Variants in EPG5 observed in about 807,000 individuals in gnomAD.
EPG5 encodes the protein ectopic P-granules 5 autophagy tethering factor.
In EPG5, 159 loss-of-function variants were observed where a neutral mutation model predicts 302.7. The ratio of observed to expected loss-of-function variants is 0.53; its 90% CI spans 0.46 to 0.60. EPG5 has a LOEUF of 0.60. Ranked by LOEUF, EPG5 falls within the 20% of genes least tolerant of loss-of-function variation. The pLI, the probability that EPG5 is intolerant of heterozygous loss-of-function variation, is 0.00. For missense variants in EPG5, 2,896 were observed against 3,092.4 expected (o/e 0.94, Z 1.51); for synonymous variants, 1,158 against 1,136.8 (o/e 1.02, Z -0.37).
At chr18:45,906,935 C>T (rs936171802) in intron 24 of EPG5, among the ~76,000 whole-genome samples, 4 of 152,314 alleles carry the variant, frequency 2.6e-5, no homozygotes, top group Admixed American at 1.3e-4. Flanking sequence ...GGATTACAGG[C>T]GTGGGCCATG....
chr18:45,868,006 T>G, intron 36 of EPG5: 1 of 538,228 alleles, frequency 1.9e-6, no homozygotes, highest in East Asian at 4.7e-5. Context: ...AGGAATGACC[T>G]TCCCTAACCC....
chr18:45,916,679 G>A (rs2050040759), intron 17 of EPG5, 97 bp from the exon 18 acceptor site: 1 of 1,331,462 alleles, frequency 7.5e-7, no homozygotes, highest in African/African-American at 1.5e-5. Flanking sequence ...TCCTAAATTG[G>A]TCCCATTTTT....
At chr18:45,915,429 CAATT>C in intron 20 of EPG5, 78 bp downstream of exon 20, 1 of 999,252 alleles carries the variant, frequency 1.0e-6, no homozygotes, top group Non-Finnish European at 1.6e-6. Context: ...TTAGTTTAGA[CAATT>C]AGTAATTTCT....
chr18:45,915,775 C>G (rs543813032), intron 19 of EPG5, among the ~76,000 whole-genome samples, 154 bp from the exon 20 acceptor site: 52 of 152,322 alleles, frequency 3.4e-4, no homozygotes, highest in Middle Eastern at 6.8e-3. Context: ...TAGTCCAAGG[C>G]AGAGCATTAC....
intron 42 of EPG5, 112 bp from the exon 43 acceptor site, chr18:45,855,799 T>C: frequency 5.7e-6 from 4 of 697,724 alleles, no homozygotes; most frequent in Non-Finnish European, 1.0e-5. Context: ...CCAGATCTAC[T>C]GTGTTGTTCA....
chr18:45,960,536 T>G (rs770053486), intron 1 of EPG5, among the ~76,000 whole-genome samples: 10 of 152,112 alleles, frequency 6.6e-5, no homozygotes, highest in Non-Finnish European at 1.3e-4. Context: ...TAAAAAACGA[T>G]TTTAAAGTCA....
intron 21 of EPG5, among the ~76,000 whole-genome samples, chr18:45,913,352 A>C (rs1331513224): frequency 1.3e-5 from 2 of 152,168 alleles, no homozygotes; most frequent in Non-Finnish European, 2.9e-5. Context: ...GTTTCAAAAA[A>C]TAACCTCCTT....
At chr18:45,902,616 G>C (rs565866102) in intron 25 of EPG5, among the ~76,000 whole-genome samples, 3 of 152,330 alleles carry the variant, frequency 2.0e-5, no homozygotes, top group Admixed American at 6.5e-5. Context: ...AAGGGTGCTA[G>C]TGAAATTTTT....
At chr18:45,830,064 G>A in the EPG5 span, among the ~76,000 whole-genome samples, 8,619 of 151,924 alleles carry the variant, frequency 0.057, 794 homozygotes, top group African/African-American at 0.19. Flanking sequence ...CCCGTGCTCC[G>A]CCATGAAACC....
chr18:45,930,816 T>G lies in EPG5; in HGVS notation c.2272A>C (p.Thr758Pro), dbSNP rs2145819702. Residue 758 changes from threonine to proline, a missense_variant, in exon 12 of 44, where the codon ACC becomes CCC. By Grantham distance (38) the Thr-to-Pro change is conservative. Transcript: ENST00000282041. The part of the protein sequence containing the change: ...KQQLQDPEHF[T>P]NFEKCLSSMN... The stretch of plus-strand genomic sequence containing the variant: ...GAAGAAAGACACTTCTCAAAGTTGG[T>G]AAAATGTTCTGGGTCTGCAAGTTCA... The G allele has an allele frequency of 6.3e-7, 1 of 1,594,460 alleles. No homozygotes were observed. The highest frequency in any genetic ancestry group is 8.5e-7 in the Non-Finnish European group (1 of 1,174,626).
intron 24 of EPG5, among the ~76,000 whole-genome samples, chr18:45,905,140 C>T (rs758175819): frequency 6.6e-5 from 10 of 152,280 alleles, no homozygotes; most frequent in Non-Finnish European, 1.5e-4. Context: ...CTTGCATATT[C>T]TGAATTATAT....
chr18:45,868,483 G>A (rs1395956675), intron 36 of EPG5, among the ~76,000 whole-genome samples: 2 of 151,574 alleles, frequency 1.3e-5, no homozygotes, highest in African/African-American at 4.8e-5. Flanking sequence ...GATTACAGGT[G>A]CCTGCCACCA....
chr18:45,825,409 G>T, the EPG5 span: 1 of 466,568 alleles, frequency 2.1e-6, no homozygotes, highest in Non-Finnish European at 3.9e-6. Flanking sequence ...ACAGTTTTCT[G>T]TGAGGGGATG....
intron 8 of EPG5, 37 bp from the exon 9 acceptor site, chr18:45,943,348 TACTATGAAAAAACATGA>T (rs2050713098): frequency 6.4e-7 from 1 of 1,563,070 alleles, no homozygotes; most frequent in East Asian, 2.2e-5. Flanking sequence ...AAATCATAGT[TACTATGAAAAAACATGA>T]ACGGATACAT....
intron 35 of EPG5, among the ~76,000 whole-genome samples, chr18:45,874,094 T>C (rs1034975304): frequency 6.6e-6 from 1 of 152,216 alleles, no homozygotes; most frequent in African/African-American, 2.4e-5. Flanking sequence ...CACATGTTAT[T>C]TGTCATTTGT....
At chr18:45,857,099 GTTTA>G (rs72476881) in intron 42 of EPG5, among the ~76,000 whole-genome samples, 23,249 of 150,544 alleles carry the variant, frequency 0.15, 2,204 homozygotes, top group East Asian at 0.32. Flanking sequence ...TTATATTTGT[GTTTA>G]TTTATTTATT....
intron 10 of EPG5, among the ~76,000 whole-genome samples, chr18:45,938,285 A>C (rs889652153): frequency 6.6e-6 from 1 of 152,076 alleles, no homozygotes; most frequent in Non-Finnish European, 1.5e-5. Context: ...ACATGGTGAA[A>C]CCCCGTCTCT....
At chr18:45,840,231 AC>A in the EPG5 span, 3 of 1,611,828 alleles carry the variant, frequency 1.9e-6, no homozygotes, top group East Asian at 6.7e-5. Context: ...CACCCCGGAC[AC>A]CCCACCACGG....
In EPG5 at chr18:45,858,600, T is replaced by G. The variant is rs376052978; in HGVS notation, c.7192A>C (p.Ile2398Leu). The G allele has an allele frequency of 6.2e-7, 1 of 1,614,224 alleles. No homozygotes were observed. The highest frequency in any genetic ancestry group is 8.5e-7 in the Non-Finnish European group (1 of 1,180,028). The change falls in exon 41 of 44, where the codon ATC becomes CTC. Residue 2398 changes from isoleucine (I) to leucine (L), a missense_variant. Ile to Leu is a conservative substitution (Grantham distance 5). Around this residue, in one of 5 missense-constraint regions of EPG5, gnomAD observed 620 missense variants for 704.2 expected, o/e 0.88. Transcript: ENST00000282041. ...TLRNEMKVLL[I>L]LSKWLEQVYP... ...ACCTGTTCCAGCCACTTGCTTAAGA[T>G]GAGCAGCACTTTCATTTCATTCCTT...
Sources: allele counts gnomAD v4.1 joint callset (sites outside exome capture counted in the v4.1 genomes callset), GRCh38; gene constraint gnomAD v4.1.1; regional missense constraint gnomAD v4.1.1; transcripts MANE v1.5; gene names NCBI Gene and HGNC (gene_info 2026-07-23, HGNC 2026-07-21).